The following LTBP3 variants were observed in gnomAD, a reference collection of about 807,000 sequenced individuals.
The protein encoded by LTBP3 is latent transforming growth factor beta binding protein 3.
Under a neutral mutation model 159.7 loss-of-function variants are expected in LTBP3, and 97 were observed. That is an observed-to-expected ratio of 0.61 (90% CI 0.52 to 0.72). LTBP3 has a LOEUF of 0.72. Among genes scored for constraint, LTBP3 ranks in the 30% least tolerant of loss-of-function variants. The pLI, the probability that LTBP3 is intolerant of heterozygous loss-of-function variation, is 0.00. For synonymous variants in LTBP3, 824 were observed against 777.1 expected, an observed-to-expected ratio of 1.06 and a Z score of -1.00; for missense variants, 1,584 against 1,864.3, an observed-to-expected ratio of 0.85 and a Z score of 2.77.
chr11:65,539,599 T>G lies in LTBP3; in HGVS notation c.3577A>C (p.Ser1193Arg), dbSNP rs767784952. Reference protein sequence around the residue: ...GSHCPTSQSESNSFWDTSPLL... With the variant: ...GSHCPTSQSERNSFWDTSPLL... ...GGGCTTGTGTCCCAGAAGGAATTGCTCTCGCTCTGCGATGTCGGGCAATGG... is the reference window on the plus strand; with the variant it reads ...GGGCTTGTGTCCCAGAAGGAATTGCGCTCGCTCTGCGATGTCGGGCAATGG... The change falls in exon 26 of 28, where the codon AGC becomes CGC. Residue 1193 changes from serine to arginine, a missense_variant. By Grantham distance (110) the Ser-to-Arg change is moderately radical. Around this residue, in one of 6 missense-constraint regions of LTBP3, gnomAD observed 514 missense variants for 530.3 expected, o/e 0.97. Coordinates refer to ENST00000301873, the MANE Select transcript of LTBP3 (RefSeq NM_001130144.3). The G allele has an allele frequency of 6.2e-7, 1 of 1,612,578 alleles. No homozygotes were observed. The highest frequency in any genetic ancestry group is 8.5e-7 in the Non-Finnish European group (1 of 1,179,342).
At chr11:65,540,412 G>A (rs772014627) in intron 22 of LTBP3, 30 bp from the exon 23 acceptor site, 1 of 1,606,958 alleles carries the variant, frequency 6.2e-7, no homozygotes, top group East Asian at 2.2e-5. Flanking sequence ...GGGTAGCAGG[G>A]GCAGGCCCGG....
Position 65,553,380 on chromosome 11 carries a change from G to A in LTBP3, c.970+45C>T, listed in dbSNP as rs775871735. The A allele has an allele frequency of 1.4e-6, 1 of 711,212 alleles. No homozygotes were observed. The highest frequency in any genetic ancestry group is 1.4e-5 in the South Asian group (1 of 72,484). 44.1% of individuals were successfully genotyped at this position (711,212 alleles called of 1,614,324 possible). On this transcript the variant is annotated intron_variant, in intron 4 of 27. Transcript: ENST00000301873. The surrounding 1 kb of genome is among the most constrained non-coding windows in gnomAD (Gnocchi z 6.5). ...TGCAGGGATGGGTGGGGTGGGTGGGGAGGGGCCACCAGATAGGGAACGCCC... is the reference window on the plus strand; with the variant it reads ...TGCAGGGATGGGTGGGGTGGGTGGGAAGGGGCCACCAGATAGGGAACGCCC...
At chr11:65,555,128 C>A (rs886874726) in intron 1 of LTBP3, among the ~76,000 whole-genome samples, 19 of 152,184 alleles carry the variant, frequency 1.2e-4, no homozygotes, top group African/African-American at 4.6e-4. Flanking sequence ...TCCCATGAAC[C>A]TGCCTCCCCT....
chr11:65,558,092 CG>C lies in LTBP3; in HGVS notation c.-134del, dbSNP rs1418703161. 1 of 704,582 alleles carries C rather than the reference CG, an allele frequency of 1.4e-6. No individual in the cohort carries two copies. Among genetic ancestry groups the C allele is most frequent in the East Asian group, 6.0e-5 (1 of 16,538 alleles). The allele number at this position is 704,582 out of a possible 1,614,324, so 43.6% of individuals were successfully genotyped here. On this transcript the variant is annotated 5_prime_UTR_variant, in exon 1 of 28. Transcript: ENST00000301873. ...GAGGGAGGGCAGCGGGGGAAGCGGG[CG>C]GGAGGGGACCGCGGGGGCCCGGCGG... is the stretch of plus-strand genomic sequence containing the variant.
Position 65,543,549 on chromosome 11 carries a change from T to C in LTBP3, c.2354A>G (p.Asp785Gly). 2 of 1,614,046 alleles carry C rather than the reference T, an allele frequency of 1.2e-6. No homozygotes were observed. The highest frequency in any genetic ancestry group is 1.7e-6 in the Non-Finnish European group (2 of 1,179,956). The change falls in exon 17 of 28, where the codon GAT becomes GGT. Residue 785 changes from aspartate to glycine, a missense_variant and splice_region_variant. By Grantham distance (94) the Asp-to-Gly change is moderately conservative (BLOSUM62 -1). Around this residue, in one of 6 missense-constraint regions of LTBP3, gnomAD observed 565 missense variants for 677.7 expected, o/e 0.83. Transcript: ENST00000301873. ...APAPDGRSCL[D>G]VDECEAGDVC... is the part of the protein sequence containing the mutation. ...GTCCCCAGCCTCACACTCGTCCACA[T>C]CTGCAGGGCATAGGGGGTGTCAGAG...
Position 65,546,689 on chromosome 11 carries a change from C to A in LTBP3, c.2230+109G>T. The A allele has an allele frequency of 6.5e-7, 1 of 1,534,192 alleles. No homozygotes were observed. The highest frequency in any genetic ancestry group is 2.4e-5 in the East Asian group (1 of 42,334). On this transcript the variant is annotated intron_variant, in intron 15 of 27. Transcript: ENST00000301873. The surrounding 1 kb of genome is among the most constrained non-coding windows in gnomAD (Gnocchi z 4.0). Reference sequence around the variant, plus strand: ...GGGCAGCCTCTACTCCCGGAAGGCCCCGCCCCCAGACGCCAATCACCACCG... The same window carrying A: ...GGGCAGCCTCTACTCCCGGAAGGCCACGCCCCCAGACGCCAATCACCACCG...
rs765716657 is a variant in LTBP3, at chr11:65,546,750, G to A, written c.2230+48C>T. 13 of 1,575,314 alleles carry A rather than the reference G, an allele frequency of 8.3e-6. No homozygotes were observed. Among genetic ancestry groups the A allele is most frequent in the Non-Finnish European group, 1.1e-5 (13 of 1,165,096 alleles). ...CCGCCCCCAGCGGAGCCAGACTGGG[G>A]GAGGCACCTGACGGCCCCACCCACT... is the stretch of plus-strand genomic sequence containing the variant. On this transcript the variant is annotated intron_variant, in intron 15 of 27. Coordinates refer to ENST00000301873, the MANE Select transcript of LTBP3 (RefSeq NM_001130144.3). The surrounding 1 kb of genome is among the most constrained non-coding windows in gnomAD (Gnocchi z 4.0).
Position 65,543,469 on chromosome 11 carries a change from G to C in LTBP3, c.2434C>G (p.Leu812Val), listed in dbSNP as rs557226808. The C allele has an allele frequency of 6.0e-5, 97 of 1,614,120 alleles. No homozygotes were observed. The South Asian group carries it at 9.6e-4, about 16-fold the overall frequency. ...TCCCTGGACAGATGGTAGCCAGAGA[G>C]GCACTGACACTGGAAAGATCCTGGC... ...NTPGSFQCQCLSGYHLSRDRS... is the reference protein window; with the variant it reads ...NTPGSFQCQCVSGYHLSRDRS... Residue 812 changes from leucine to valine, a missense_variant, in exon 17 of 28, where the codon CTC becomes GTC. Around this residue, in one of 6 missense-constraint regions of LTBP3, gnomAD observed 565 missense variants for 677.7 expected, o/e 0.83. Coordinates refer to ENST00000301873, the MANE Select transcript of LTBP3 (RefSeq NM_001130144.3).
At chr11:65,548,224 G>A (rs992627385) in intron 11 of LTBP3, 179 bp from the exon 12 acceptor site, 20 of 897,612 alleles carry the variant, frequency 2.2e-5, no homozygotes, top group African/African-American at 3.3e-5. Flanking sequence ...ACCCCAGAAA[G>A]CTCCAAACTA....
chr11:65,548,593 G>C (rs1384989034), intron 11 of LTBP3: 1 of 169,684 alleles, frequency 5.9e-6, no homozygotes, highest in Non-Finnish European at 1.3e-5. Context: ...CAGGCAGTCA[G>C]ATCCAGGAAC....
Position 65,540,252 on chromosome 11 carries a change from T to A in LTBP3, c.3237A>T (p.Glu1079Asp). The A allele has an allele frequency of 6.4e-7, 1 of 1,550,410 alleles. No homozygotes were observed. The highest frequency in any genetic ancestry group is 1.2e-5 in the South Asian group (1 of 84,072). ...SPAQRQCLSP[E>D]EMDVDECQDP... ...CCCCGGCCCGGGCCTCACCCATCTCTTCCGGGCTCAGGCACTGGCGCTGCG... is the reference window on the plus strand; with the variant it reads ...CCCCGGCCCGGGCCTCACCCATCTCATCCGGGCTCAGGCACTGGCGCTGCG... Residue 1079 changes from glutamate (E) to aspartate (D), a missense_variant, in exon 23 of 28, where the codon GAA becomes GAT. By Grantham distance (45) the Glu-to-Asp change is conservative. This residue lies in a region of LTBP3 where 514 missense variants were observed against 530.3 expected (regional missense o/e 0.97). Coordinates refer to ENST00000301873, the MANE Select transcript of LTBP3 (RefSeq NM_001130144.3).
intron 25 of LTBP3, 27 bp from the exon 26 acceptor site, chr11:65,539,655 C>A: frequency 1.3e-6 from 2 of 1,593,062 alleles, no homozygotes; most frequent in African/African-American, 2.7e-5. Flanking sequence ...TGGTCAGCGA[C>A]GTCCGGGTCC....
At chr11:65,551,903 G>T in intron 8 of LTBP3, 69 bp downstream of exon 8, 1 of 1,531,242 alleles carries the variant, frequency 6.5e-7, no homozygotes, top group Non-Finnish European at 9.0e-7. Context: ...CAGATCTGTG[G>T]ATCACGGGTC....
intron 1 of LTBP3, among the ~76,000 whole-genome samples, chr11:65,555,499 C>G (rs911734252): frequency 6.6e-6 from 1 of 152,186 alleles, no homozygotes; most frequent in Admixed American, 6.5e-5. Flanking sequence ...ATCCGGCCCC[C>G]CTGAGCTCCC....
In LTBP3 at chr11:65,547,939, G is replaced by A; in HGVS notation, c.1827C>T (p.Pro609=). The change falls in exon 12 of 28, where the codon CCC becomes CCT. Residue 609 remains proline (P), a synonymous_variant. Transcript: ENST00000301873. The surrounding 1 kb of genome is among the most constrained non-coding windows in gnomAD (Gnocchi z 4.6). ...CHCNPGYRSH[P]QHRYCVDVNE... is the part of the protein sequence containing the mutation. The stretch of plus-strand genomic sequence containing the variant: ...GCTCACCCACGCAGTAGCGGTGCTG[G>A]GGATGTGACCGGTAGCCGGGGTTGC... 1.2e-6 allele frequency: 2 copies of A among 1,613,890 alleles called. No individual in the cohort carries two copies. The highest frequency in any genetic ancestry group is 1.1e-5 in the South Asian group (1 of 91,080).
In LTBP3 at chr11:65,554,752, T is replaced by A. The variant is rs1398953971; in HGVS notation, c.332-372A>T. 6.6e-6 allele frequency among the ~76,000 whole-genome samples: 1 copy of A among 152,012 alleles called. No individual in the cohort carries two copies. Among genetic ancestry groups the A allele is most frequent in the East Asian group, 1.9e-4 (1 of 5,186 alleles). ...TGCTTAATAAGTGGTAGCAAATAAT[T>A]ATGGTGATCTGGCTTTCCCCTTGAG... On this transcript the variant is annotated intron_variant, in intron 1 of 27. Transcript: ENST00000301873. The surrounding 1 kb of genome is among the most constrained non-coding windows in gnomAD (Gnocchi z 5.3).
intron 8 of LTBP3, 100 bp downstream of exon 8, chr11:65,551,872 T>G: frequency 1.5e-6 from 2 of 1,345,494 alleles, no homozygotes; most frequent in Non-Finnish European, 2.1e-6. Context: ...GGATAAGGAA[T>G]TGGGGGTTAG....
At chr11:65,540,716 C>T (rs1233781379) in intron 21 of LTBP3, 102 bp from the exon 22 acceptor site, 1 of 1,573,976 alleles carries the variant, frequency 6.4e-7, no homozygotes, top group East Asian at 2.2e-5. Flanking sequence ...GCGGGGCCTA[C>T]AGGAGGGGCG....
At chr11:65,550,145 C>T (rs1856549307) in intron 11 of LTBP3, among the ~76,000 whole-genome samples, 1 of 152,192 alleles carries the variant, frequency 6.6e-6, no homozygotes, top group African/African-American at 2.4e-5. Context: ...CGTGGTGGCT[C>T]ACACCTGTAA....
Sources: allele counts gnomAD v4.1 joint callset (sites outside exome capture counted in the v4.1 genomes callset), GRCh38; gene constraint gnomAD v4.1.1; regional missense constraint gnomAD v4.1.1; non-coding constraint Gnocchi (gnomAD v3.1); transcripts MANE v1.5; gene names NCBI Gene and HGNC (gene_info 2026-07-23, HGNC 2026-07-21).